Variants in SND1 observed in about 807,000 individuals in gnomAD.
SND1 encodes staphylococcal nuclease and tudor domain containing 1.
A neutral mutation model predicts 121.7 loss-of-function variants in SND1; 38 were observed. That is an observed-to-expected ratio of 0.31 (90% confidence interval 0.24 to 0.41). The LOEUF (loss-of-function observed/expected upper bound fraction) is 0.41, where lower values mean the gene tolerates loss of function less well. Ranked by LOEUF, SND1 falls within the 10% of genes least tolerant of loss-of-function variation. The pLI is 1.00. For missense variants in SND1, 868 were observed against 1,184.6 expected (o/e 0.73, Z 3.92); for synonymous variants, 401 against 447.4 (o/e 0.90, Z 1.31).
chr7:128,026,304 T>C (rs1803475964), intron 16 of SND1, among the ~76,000 whole-genome samples: 2 of 152,164 alleles, frequency 1.3e-5, no homozygotes, highest in South Asian at 2.1e-4. Flanking sequence ...TGAGTGGTAG[T>C]TTATAAGTGT....
intron 10 of SND1, among the ~76,000 whole-genome samples, chr7:127,800,201 A>G (rs1437847838): frequency 6.6e-6 from 1 of 152,248 alleles, no homozygotes; most frequent in Non-Finnish European, 1.5e-5. Flanking sequence ...TGGCAGGGCA[A>G]CTGGGACTGG....
intron 1 of SND1, among the ~76,000 whole-genome samples, chr7:127,673,628 G>A (rs1037390954): frequency 3.9e-5 from 6 of 152,112 alleles, no homozygotes; most frequent in African/African-American, 1.4e-4. Flanking sequence ...AATGATTCTT[G>A]TTAGTGTGAT....
intron 12 of SND1, among the ~76,000 whole-genome samples, chr7:127,855,433 T>C (rs1360985174): frequency 2.0e-5 from 3 of 151,998 alleles, no homozygotes; most frequent in Non-Finnish European, 4.4e-5. Flanking sequence ...AAATGTAGAG[T>C]TTGGAAGTAA....
At chr7:127,979,386 A>AT (rs1802204655) in intron 15 of SND1, among the ~76,000 whole-genome samples, 2 of 152,296 alleles carry the variant, frequency 1.3e-5, no homozygotes, top group East Asian at 3.9e-4. Flanking sequence ...GGTAGCCCCT[A>AT]TTGCTGTGTC....
intron 15 of SND1, among the ~76,000 whole-genome samples, chr7:127,941,285 C>A (rs1211088496): frequency 6.6e-6 from 1 of 152,124 alleles, no homozygotes; most frequent in Non-Finnish European, 1.5e-5. Context: ...TGGCTCCCTG[C>A]AAGATTAGCT....
chr7:127,842,326 C>G (rs1474121610), intron 11 of SND1, among the ~76,000 whole-genome samples: 1 of 152,170 alleles, frequency 6.6e-6, no homozygotes, highest in Non-Finnish European at 1.5e-5. Context: ...ACCAAGCCTA[C>G]AACTTCATTC....
At chr7:128,075,240 T>C (rs1190510992) in intron 17 of SND1, among the ~76,000 whole-genome samples, 1 of 152,154 alleles carries the variant, frequency 6.6e-6, no homozygotes, top group Non-Finnish European at 1.5e-5. Context: ...CAATTGACAA[T>C]TGAGGAATGC....
intron 17 of SND1, among the ~76,000 whole-genome samples, chr7:128,075,813 C>T (rs1273070803): frequency 1.3e-5 from 2 of 152,244 alleles, no homozygotes; most frequent in African/African-American, 4.8e-5. Context: ...GCCTCCTCCT[C>T]CCAGAATGAG....
chr7:127,759,061 G>GATAGATAA (rs1277211032), intron 10 of SND1, among the ~76,000 whole-genome samples: 2 of 149,186 alleles, frequency 1.3e-5, no homozygotes, highest in South Asian at 4.3e-4. Context: ...CTCAAAAATA[G>GATAGATAA]ATAGATAGAT....
At chr7:127,811,797 C>A (rs35640048) in intron 11 of SND1, among the ~76,000 whole-genome samples, 9,715 of 152,208 alleles carry the variant, frequency 0.064, 402 homozygotes, top group Middle Eastern at 0.19. Context: ...ATAAAATATT[C>A]TAAATGTCTA....
chr7:127,878,394 G>A (rs537189372), intron 12 of SND1, among the ~76,000 whole-genome samples: 26 of 152,182 alleles, frequency 1.7e-4, no homozygotes, highest in African/African-American at 6.0e-4. Context: ...CCATTCATGA[G>A]TGTGACTTTT....
chr7:127,756,230 C>G (rs536358748), intron 10 of SND1, among the ~76,000 whole-genome samples: 1 of 152,166 alleles, frequency 6.6e-6, no homozygotes, highest in African/African-American at 2.4e-5. Context: ...GAGATGGATT[C>G]TATTTTCAGT....
At chr7:127,886,535 A>G (rs1222524311) in intron 12 of SND1, among the ~76,000 whole-genome samples, 2 of 152,144 alleles carry the variant, frequency 1.3e-5, no homozygotes, top group East Asian at 3.9e-4. Context: ...AGCAAACCAG[A>G]TGGTTTGAGT....
At chr7:127,926,008 TC>T (rs1563060354) in intron 14 of SND1, among the ~76,000 whole-genome samples, 1 of 152,040 alleles carries the variant, frequency 6.6e-6, no homozygotes, top group Non-Finnish European at 1.5e-5. Flanking sequence ...ACTTGCACTC[TC>T]TCTTTGGAAG....
chr7:127,897,559 C>T lies in SND1; in HGVS notation c.1455-7188C>T, dbSNP rs543945083. On this transcript the variant is annotated intron_variant, in intron 13 of 23. Transcript: ENST00000354725. ...GGAGCACCCAGATTGATGGGTTATC[C>T]ACCAATAGAGTCCACAAGAGAAGGC... is the stretch of plus-strand genomic sequence containing the variant. 1.1e-3 allele frequency among the ~76,000 whole-genome samples: 163 copies of T among 152,146 alleles called. 5 individuals are homozygous for T. The South Asian group carries it at 0.033, about 30-fold the overall frequency.
At chr7:127,825,261 C>CCACCA (rs1798621401) in intron 11 of SND1, among the ~76,000 whole-genome samples, 1 of 152,156 alleles carries the variant, frequency 6.6e-6, no homozygotes, top group Admixed American at 6.5e-5. Flanking sequence ...CAGGCGCATG[C>CCACCA]CACCACACCT....
intron 16 of SND1, among the ~76,000 whole-genome samples, chr7:128,040,079 T>G (rs866298863): frequency 6.6e-6 from 1 of 151,994 alleles, no homozygotes. Context: ...AAGGAAGAAT[T>G]CCATCAACGA....
chr7:127,962,925 C>T (rs1000501641), intron 15 of SND1, among the ~76,000 whole-genome samples: 19 of 152,194 alleles, frequency 1.2e-4, no homozygotes, highest in African/African-American at 4.6e-4. Flanking sequence ...AGCATCAGTT[C>T]AAATGACTCC....
intron 13 of SND1, among the ~76,000 whole-genome samples, chr7:127,899,281 C>CAT (rs1338567383): frequency 6.6e-6 from 1 of 151,692 alleles, no homozygotes. Context: ...GCACACAACA[C>CAT]ACACACACAC....
Sources: allele counts gnomAD v4.1 joint callset (sites outside exome capture counted in the v4.1 genomes callset), GRCh38; gene constraint gnomAD v4.1.1; transcripts MANE v1.5; gene names NCBI Gene and HGNC (gene_info 2026-07-23, HGNC 2026-07-21).